Variants in AFF3 observed in about 807,000 individuals in gnomAD.
AFF3 encodes the protein ALF transcription elongation factor 3.
A neutral mutation model predicts 129.7 loss-of-function variants in AFF3; 32 were observed. The observed-to-expected ratio is 0.25, with a 90% CI of 0.19 to 0.33. The LOEUF (loss-of-function observed/expected upper bound fraction) is 0.33, where lower values mean the gene tolerates loss of function less well. Among genes scored for constraint, AFF3 ranks in the 10% least tolerant of loss-of-function variants. The probability of loss-of-function intolerance (pLI) is 1.00; values close to 1 mark genes in which losing one functional copy is unlikely to be tolerated. For synonymous variants in AFF3, 644 were observed against 635.4 expected, an observed-to-expected ratio of 1.01 and a Z score of -0.20; for missense variants, 1,373 against 1,592.0, an observed-to-expected ratio of 0.86 and a Z score of 2.34.
intron 13 of AFF3, among the ~76,000 whole-genome samples, chr2:99,633,464 C>T (rs904151145): frequency 3.3e-5 from 5 of 152,070 alleles, no homozygotes; most frequent in African/African-American, 1.2e-4. Flanking sequence ...AGAAAAGGAG[C>T]CAGGAAAGGA....
At chr2:99,959,148 G>A (rs932189869) in intron 7 of AFF3, among the ~76,000 whole-genome samples, 1 of 151,986 alleles carries the variant, frequency 6.6e-6, no homozygotes, top group African/African-American at 2.4e-5. Context: ...AGCAGGCAAA[G>A]ACCAAATGCT....
chr2:100,008,242 C>T (rs1682164800), intron 5 of AFF3, among the ~76,000 whole-genome samples: 1 of 152,134 alleles, frequency 6.6e-6, no homozygotes, highest in Non-Finnish European at 1.5e-5. Context: ...CTTAAAGGAA[C>T]ATGGGGCTAA....
intron 7 of AFF3, among the ~76,000 whole-genome samples, chr2:99,952,169 G>A (rs11887136): frequency 0.17 from 25,316 of 152,048 alleles, 2,583 homozygotes; most frequent in African/African-American, 0.27. Context: ...TCATGGGGGC[G>A]GATTTGCCCT....
At chr2:99,703,473 G>C (rs373981168) in intron 11 of AFF3, among the ~76,000 whole-genome samples, 66 of 152,226 alleles carry the variant, frequency 4.3e-4, no homozygotes, top group African/African-American at 1.3e-3. Flanking sequence ...TTTAGCCTAT[G>C]AATGTCCGAT....
rs142082185 is a variant in AFF3, at chr2:99,650,796, ATGTGTGTGTG to A, written c.1144-1140_1144-1131del. ...TTGTTTTTTTCTTCTACTAAAATTAATGTGTGTGTGTGTGTGTGTGTGTGTGTGTGTGTAT... is the reference window on the plus strand; with the variant it reads ...TTGTTTTTTTCTTCTACTAAAATTAATGTGTGTGTGTGTGTGTGTGTGTAT... On this transcript the variant is annotated intron_variant, in intron 12 of 24. Transcript: ENST00000672756. Among the ~76,000 whole-genome samples, 374 of 144,832 alleles carry A rather than the reference ATGTGTGTGTG, an allele frequency of 2.6e-3. 1 individual carries two copies. The highest frequency in any genetic ancestry group is 0.012 in the East Asian group (58 of 4,938).
At chr2:99,854,835 CTGCA>C (rs1690406055) in intron 7 of AFF3, among the ~76,000 whole-genome samples, 1 of 152,162 alleles carries the variant, frequency 6.6e-6, no homozygotes, top group Admixed American at 6.5e-5. Flanking sequence ...AGAAATAGAT[CTGCA>C]TATAATGATC....
intron 7 of AFF3, among the ~76,000 whole-genome samples, chr2:99,860,832 T>A (rs74831978): frequency 0.014 from 2,166 of 152,274 alleles, 26 homozygotes; most frequent in Non-Finnish European, 0.024. Context: ...ATGATCACAA[T>A]AAAATTAACG....
At chr2:99,823,135 T>C (rs1327689655) in intron 8 of AFF3, among the ~76,000 whole-genome samples, 1 of 152,212 alleles carries the variant, frequency 6.6e-6, no homozygotes, top group Non-Finnish European at 1.5e-5. Context: ...TCTCAATCTG[T>C]AATCTGGTTT....
At chr2:100,130,784 C>T (rs570061071) in intron 1 of AFF3, among the ~76,000 whole-genome samples, 2 of 152,216 alleles carry the variant, frequency 1.3e-5, no homozygotes, top group South Asian at 4.1e-4. Flanking sequence ...GACAGCCCCA[C>T]AGAGACAGCC....
chr2:99,672,726 T>G, intron 11 of AFF3, 137 bp from the exon 12 acceptor site: 1 of 808,446 alleles, frequency 1.2e-6, no homozygotes, highest in Non-Finnish European at 1.9e-6. Context: ...CCTATTTTTT[T>G]TCTTTCCTTC....
chr2:99,606,646 G>A (rs1680366334), intron 13 of AFF3, among the ~76,000 whole-genome samples: 2 of 151,898 alleles, frequency 1.3e-5, no homozygotes, highest in East Asian at 3.9e-4. Context: ...GGACGGGCGC[G>A]GTGGCTCACG....
chr2:99,739,188 G>A (rs564239413), intron 10 of AFF3, among the ~76,000 whole-genome samples: 2 of 151,952 alleles, frequency 1.3e-5, no homozygotes, highest in South Asian at 4.2e-4. Flanking sequence ...TCTCTCTTGG[G>A]GTCCAGTGGA....
chr2:99,660,761 T>C (rs768534356), intron 12 of AFF3, among the ~76,000 whole-genome samples: 6 of 152,170 alleles, frequency 3.9e-5, no homozygotes, highest in Non-Finnish European at 8.8e-5. Context: ...GGCCTAACAT[T>C]CTAGCCACTA....
intron 7 of AFF3, among the ~76,000 whole-genome samples, chr2:99,881,950 G>A (rs1576266384): frequency 2.0e-5 from 3 of 152,334 alleles, no homozygotes; most frequent in South Asian, 4.1e-4. Context: ...CACAACAGAA[G>A]TGACTGAACA....
intron 11 of AFF3, among the ~76,000 whole-genome samples, chr2:99,721,366 TA>T: frequency 6.6e-6 from 1 of 152,096 alleles, no homozygotes; most frequent in East Asian, 1.9e-4. Flanking sequence ...CTGTCTCTAC[TA>T]AAAATACAAA....
chr2:99,813,639 T>C (rs1347622967), intron 8 of AFF3, among the ~76,000 whole-genome samples: 2 of 152,214 alleles, frequency 1.3e-5, no homozygotes, highest in Admixed American at 6.5e-5. Flanking sequence ...TCAAGGAAGC[T>C]GAGACTGTGA....
chr2:99,863,633 A>G (rs866195292), intron 7 of AFF3, among the ~76,000 whole-genome samples: 10 of 152,326 alleles, frequency 6.6e-5, no homozygotes, highest in African/African-American at 2.4e-4. Context: ...GATACAATCA[A>G]TATTATTTAA....
intron 10 of AFF3, among the ~76,000 whole-genome samples, chr2:99,734,390 C>T (rs1251715251): frequency 2.0e-5 from 3 of 151,668 alleles, no homozygotes; most frequent in East Asian, 1.9e-4. Flanking sequence ...TTTATTGCCT[C>T]GACCAAGGAT....
chr2:99,650,806 G>A (rs1225223466), intron 12 of AFF3, among the ~76,000 whole-genome samples: 1 of 150,460 alleles, frequency 6.6e-6, no homozygotes, highest in Non-Finnish European at 1.5e-5. Flanking sequence ...ATGTGTGTGT[G>A]TGTGTGTGTG....
Sources: gnomAD v4.1 joint callset for allele counts (sites outside exome capture counted in the v4.1 genomes callset) on GRCh38, gnomAD v4.1.1 for gene constraint, MANE v1.5 for transcripts, NCBI Gene and HGNC (gene_info 2026-07-23, HGNC 2026-07-21) for gene names.